Variants in COMT observed in about 807,000 individuals in gnomAD.
COMT encodes catechol-O-methyltransferase, also known as catechol O-methyltransferase.
COMT carries 13 observed loss-of-function variants against 18.9 expected under a neutral mutation model. The observed-to-expected ratio is 0.69, with a 90% CI of 0.45 to 1.09. COMT has a LOEUF of 1.09. Among genes scored for constraint, COMT ranks in the 50% least tolerant of loss-of-function variants. The probability of loss-of-function intolerance (pLI) is 0.00; values close to 1 mark genes in which losing one functional copy is unlikely to be tolerated. For missense variants in COMT, 329 were observed against 361.8 expected (o/e 0.91, Z 0.73); for synonymous variants, 150 against 160.9 (o/e 0.93, Z 0.51).
At chr22:19,953,670 C>T (rs1358677579) in intron 1 of COMT, among the ~76,000 whole-genome samples, 2 of 152,148 alleles carry the variant, frequency 1.3e-5, no homozygotes, top group Admixed American at 6.5e-5. Context: ...CTCAGTCCAG[C>T]GGGGCAGATG....
chr22:19,962,474 G>T, intron 2 of COMT, 53 bp from the exon 3 acceptor site: 1 of 1,551,240 alleles, frequency 6.4e-7, no homozygotes, highest in South Asian at 1.2e-5. Context: ...GGGGCGTGTG[G>T]GTGCTGCAGG....
At chr22:19,966,743 A>G (rs993102912) in intron 5 of COMT, among the ~76,000 whole-genome samples, 1 of 151,426 alleles carries the variant, frequency 6.6e-6, no homozygotes, top group African/African-American at 2.4e-5. Context: ...TGAGGCTCCA[A>G]CTTTTTGTTG....
chr22:19,951,917 C>T (rs955190710), intron 1 of COMT, among the ~76,000 whole-genome samples: 1 of 152,214 alleles, frequency 6.6e-6, no homozygotes, highest in Non-Finnish European at 1.5e-5. Flanking sequence ...CAGGTGTTGG[C>T]CAGAACACAG....
intron 1 of COMT, among the ~76,000 whole-genome samples, chr22:19,950,261 T>TTTTTTTTTTTTTTTTTTTTTTTTTTTG (rs763598655): frequency 7.5e-6 from 1 of 132,800 alleles, no homozygotes; most frequent in Non-Finnish European, 1.6e-5. Context: ...TTTTTTTTTT[T>TTTTTTTTTTTTTTTTTTTTTTTTTTTG]TTCTGTAGAG....
intron 1 of COMT, among the ~76,000 whole-genome samples, chr22:19,957,784 C>T (rs563006210): frequency 2.6e-5 from 4 of 152,298 alleles, no homozygotes; most frequent in African/African-American, 9.6e-5. Context: ...ATGTGGACCT[C>T]ACGGGGGTCT....
intron 5 of COMT, among the ~76,000 whole-genome samples, chr22:19,966,432 C>A (rs1481435880): frequency 3.4e-5 from 3 of 88,446 alleles, no homozygotes; most frequent in Non-Finnish European, 6.8e-5. Context: ...AATGAGTTCC[C>A]CCTTAAAAAA....
At position 19,969,771 on chromosome 22, in the gene COMT, G is replaced by A; in HGVS notation, c.*1035G>A. The A allele has an allele frequency of 1.1e-6, 1 of 925,656 alleles. No individual in the cohort carries two copies. Among genetic ancestry groups the A allele is most frequent in the Non-Finnish European group, 1.3e-6 (1 of 775,456 alleles). The allele number at this position is 925,656 out of a possible 1,614,324, so 57.3% of individuals were successfully genotyped here. A position where few individuals can be genotyped will look rare whatever the true frequency, so the allele number is the denominator to read the frequency against. On this transcript the variant is annotated 3_prime_UTR_variant, in exon 6 of 6. Transcript: ENST00000361682. Reference sequence around the variant, plus strand: ...CCCAGGGACCAGAAACAGAGCCTCTGCAGGACACAGCAGATGGGCACCTGG... The same window carrying A: ...CCCAGGGACCAGAAACAGAGCCTCTACAGGACACAGCAGATGGGCACCTGG...
intron 5 of COMT, 140 bp downstream of exon 5, chr22:19,964,439 G>T: frequency 8.2e-7 from 1 of 1,219,228 alleles, no homozygotes. Flanking sequence ...CCTGAGGTCT[G>T]GGAGTGTGGG....
At chr22:19,944,606 C>G (rs1315246378) in intron 1 of COMT, among the ~76,000 whole-genome samples, 1 of 152,066 alleles carries the variant, frequency 6.6e-6, no homozygotes, top group African/African-American at 2.4e-5. Context: ...GGGTGGATCA[C>G]GAGGTCAGGA....
chr22:19,966,874 G>A lies in COMT; in HGVS notation c.616-1662G>A, dbSNP rs1017375266. Reference sequence around the variant, plus strand: ...AAGGGAGGAGAGTCTAAGGAGGGTGGGCCAGATGAAAACCACCTCAGCATA... The same window carrying A: ...AAGGGAGGAGAGTCTAAGGAGGGTGAGCCAGATGAAAACCACCTCAGCATA... On this transcript the variant is annotated intron_variant, in intron 5 of 5. Transcript: ENST00000361682. The A allele has an allele frequency of 3.3e-6, 3 of 916,710 alleles. No individual in the cohort carries two copies. In the Admixed American group the frequency reaches 1.9e-4, roughly 57 times the overall value. 56.8% of individuals were successfully genotyped at this position (916,710 alleles called of 1,614,324 possible).
At position 19,969,120 on chromosome 22, in the gene COMT, C is replaced by T. The variant is rs1003844883; in HGVS notation, c.*384C>T. On this transcript the variant is annotated 3_prime_UTR_variant, in exon 6 of 6. Transcript: ENST00000361682. ...CAAAGCTCCCCTTGACGGACGCTAA[C>T]GCTAAGGGCGGGGCCCCTAGCTGGC... 4 of 220,720 alleles carry T rather than the reference C, an allele frequency of 1.8e-5. No individual in the cohort carries two copies. Among genetic ancestry groups the T allele is most frequent in the East Asian group, 1.3e-4 (1 of 7,720 alleles). The allele number at this position is 220,720 out of a possible 1,614,324, so 13.7% of individuals were successfully genotyped here.
At chr22:19,942,560 T>C (rs1025811156) in intron 1 of COMT, among the ~76,000 whole-genome samples, 10 of 152,208 alleles carry the variant, frequency 6.6e-5, no homozygotes, top group African/African-American at 2.4e-5. Context: ...GGGCCTGCCC[T>C]GCTAACAGAC....
At chr22:19,962,336 G>A in intron 2 of COMT, 191 bp from the exon 3 acceptor site, 2 of 920,222 alleles carry the variant, frequency 2.2e-6, no homozygotes, top group South Asian at 1.6e-5. Context: ...TCTACCCGAG[G>A]GCACCAGAGG....
intron 1 of COMT, among the ~76,000 whole-genome samples, chr22:19,957,360 G>A (rs924608369): frequency 3.3e-5 from 5 of 152,092 alleles, no homozygotes; most frequent in African/African-American, 4.8e-5. Flanking sequence ...TGCAGCTGCA[G>A]TGAGCCTTGA....
intron 5 of COMT, among the ~76,000 whole-genome samples, chr22:19,966,269 A>G (rs879416208): frequency 2.3e-4 from 35 of 151,990 alleles, no homozygotes; most frequent in Non-Finnish European, 4.9e-4. Context: ...GTGAGGGTCT[A>G]GCCATCCCCT....
intron 1 of COMT, chr22:19,950,965 C>T (rs1398780340): frequency 1.3e-5 from 2 of 152,220 alleles, no homozygotes; most frequent in African/African-American, 4.8e-5. Context: ...GAACACAGAA[C>T]AGAGGGGGCA....
In COMT at chr22:19,968,564, T is replaced by C; in HGVS notation, c.644T>C (p.Val215Ala). The C allele has an allele frequency of 6.2e-7, 1 of 1,613,924 alleles. No homozygotes were observed. Among genetic ancestry groups the C allele is most frequent in the Non-Finnish European group, 8.5e-7 (1 of 1,179,954 alleles). ...EECGLLRKGT[V>A]LLADNVICPG... ...TGTGGCCTGCTGCGGAAGGGGACAG[T>C]GCTACTGGCTGACAACGTGATCTGC... The change falls in exon 6 of 6, where the codon GTG becomes GCG. Residue 215 changes from valine (V) to alanine (A), a missense_variant. Val to Ala is a moderately conservative substitution (Grantham distance 64, BLOSUM62 0). Coordinates refer to ENST00000361682, the MANE Select transcript of COMT (RefSeq NM_000754.4).
chr22:19,963,416 C>T (rs970988986), intron 3 of COMT, 150 bp from the exon 4 acceptor site: 23 of 845,132 alleles, frequency 2.7e-5, no homozygotes, highest in African/African-American at 2.6e-4. Flanking sequence ...ACCCCTCCAG[C>T]GGGTAGGGAG....
At chr22:19,963,353 C>T (rs1239904883) in intron 3 of COMT, 9 of 615,554 alleles carry the variant, frequency 1.5e-5, no homozygotes, top group Admixed American at 8.5e-5. Flanking sequence ...GCTCCAAGCG[C>T]GCTCACAGTG....
Sources: gnomAD v4.1 joint callset for allele counts (sites outside exome capture counted in the v4.1 genomes callset) on GRCh38, gnomAD v4.1.1 for gene constraint, MANE v1.5 for transcripts, NCBI Gene and HGNC (gene_info 2026-07-23, HGNC 2026-07-21) for gene names.